The following OXR1 variants were observed in gnomAD, a reference collection of about 807,000 sequenced individuals.
OXR1 encodes oxidation resistance protein 1.
In OXR1, 41 loss-of-function variants were observed where a neutral mutation model predicts 104.6. That is an observed-to-expected ratio of 0.39 (90% CI 0.31 to 0.51). The LOEUF is 0.51. Ranked by LOEUF, OXR1 falls within the 20% of genes least tolerant of loss-of-function variation. The pLI is 0.77. For missense variants in OXR1, 955 were observed against 1,031.9 expected, an observed-to-expected ratio of 0.93 and a Z score of 1.02; for synonymous variants, 348 against 348.4, an observed-to-expected ratio of 1.00 and a Z score of 0.01.
chr8:106,684,817 T>A (rs983507112), intron 6 of OXR1, among the ~76,000 whole-genome samples: 1 of 152,196 alleles, frequency 6.6e-6, no homozygotes, highest in Non-Finnish European at 1.5e-5. Flanking sequence ...AGTAGATTAA[T>A]TTATCTAGCA....
intron 15 of OXR1, among the ~76,000 whole-genome samples, chr8:106,743,920 C>A (rs1354998346): frequency 1.3e-5 from 2 of 152,026 alleles, no homozygotes; most frequent in African/African-American, 4.8e-5. Flanking sequence ...ACCATATACA[C>A]CATGCAAACT....
chr8:106,404,895 C>T (rs143109207), intron 2 of OXR1, among the ~76,000 whole-genome samples: 13 of 151,846 alleles, frequency 8.6e-5, no homozygotes, highest in African/African-American at 3.1e-4. Flanking sequence ...TTAGTAGAGA[C>T]GGGGTTTCAC....
At chr8:106,526,668 G>A (rs985865951) in intron 3 of OXR1, among the ~76,000 whole-genome samples, 16 of 152,054 alleles carry the variant, frequency 1.1e-4, no homozygotes, top group African/African-American at 2.9e-4. Flanking sequence ...TCAGCCTCCC[G>A]AGTAGCTGGG....
At chr8:106,523,639 G>T (rs866230130) in intron 3 of OXR1, among the ~76,000 whole-genome samples, 27 of 152,062 alleles carry the variant, frequency 1.8e-4, no homozygotes, top group African/African-American at 6.5e-4. Context: ...AAAATCACTG[G>T]ACTTGATATT....
intron 2 of OXR1, among the ~76,000 whole-genome samples, chr8:106,473,169 A>G (rs1586687116): frequency 6.6e-6 from 1 of 151,908 alleles, no homozygotes; most frequent in Non-Finnish European, 1.5e-5. Context: ...CATGTTGGAT[A>G]AAATGACCAC....
chr8:106,618,675 G>A (rs1165859524), intron 3 of OXR1, among the ~76,000 whole-genome samples: 1 of 152,116 alleles, frequency 6.6e-6, no homozygotes, highest in African/African-American at 2.4e-5. Context: ...TCGGGTAATG[G>A]CAGTGATCAA....
intron 5 of OXR1, 78 bp from the exon 6 acceptor site, chr8:106,684,168 T>C (rs1373069791): frequency 1.6e-5 from 11 of 673,490 alleles, no homozygotes; most frequent in Non-Finnish European, 2.9e-5. Context: ...TAATTGTTAA[T>C]AGTGCTTGCT....
At chr8:106,615,443 GA>G (rs1037694136) in intron 3 of OXR1, among the ~76,000 whole-genome samples, 3 of 150,466 alleles carry the variant, frequency 2.0e-5, no homozygotes, top group Non-Finnish European at 3.0e-5. Flanking sequence ...AAAAAAAAAA[GA>G]AAAAAAGATG....
chr8:106,633,031 C>A (rs1043181438), intron 3 of OXR1, among the ~76,000 whole-genome samples: 3 of 152,066 alleles, frequency 2.0e-5, no homozygotes, highest in African/African-American at 7.2e-5. Flanking sequence ...CTCAGGAGTT[C>A]AAGACAAGCC....
chr8:106,627,580 G>A (rs187404503), intron 3 of OXR1, among the ~76,000 whole-genome samples: 1 of 152,126 alleles, frequency 6.6e-6, no homozygotes, highest in Admixed American at 6.5e-5. Flanking sequence ...ATATGAAGAT[G>A]ACAAAAAAAA....
intron 2 of OXR1, among the ~76,000 whole-genome samples, chr8:106,468,584 A>C (rs1358219919): frequency 6.6e-6 from 1 of 151,812 alleles, no homozygotes; most frequent in African/African-American, 2.4e-5. Flanking sequence ...CCATGGAGAA[A>C]AAATATTAGT....
At chr8:106,273,149 A>T (rs1040836144) in intron 1 of OXR1, among the ~76,000 whole-genome samples, 2 of 150,830 alleles carry the variant, frequency 1.3e-5, no homozygotes, top group African/African-American at 5.0e-5. Context: ...GCCTAACTGG[A>T]CACTTTTTTT....
intron 1 of OXR1, among the ~76,000 whole-genome samples, chr8:106,276,548 A>T (rs865805240): frequency 6.6e-6 from 1 of 152,232 alleles, no homozygotes; most frequent in Non-Finnish European, 1.5e-5. Context: ...GAAGATAATT[A>T]TGAAGTGATT....
chr8:106,496,330 T>C (rs531048227), intron 2 of OXR1, among the ~76,000 whole-genome samples: 1 of 152,344 alleles, frequency 6.6e-6, no homozygotes, highest in African/African-American at 2.4e-5. Context: ...GTGATTCTGA[T>C]ACATGCTCAA....
At chr8:106,329,483 G>A (rs1172070069) in intron 1 of OXR1, among the ~76,000 whole-genome samples, 1 of 151,784 alleles carries the variant, frequency 6.6e-6, no homozygotes, top group Non-Finnish European at 1.5e-5. Context: ...GAGTAGCTGG[G>A]ACTACAGACG....
At chr8:106,277,292 G>C (rs1478346583) in intron 1 of OXR1, among the ~76,000 whole-genome samples, 1 of 152,030 alleles carries the variant, frequency 6.6e-6, no homozygotes, top group Non-Finnish European at 1.5e-5. Flanking sequence ...AAAAAAATTG[G>C]GCAAATTACT....
chr8:106,467,982 A>G (rs1263276076), intron 2 of OXR1, among the ~76,000 whole-genome samples: 1 of 151,920 alleles, frequency 6.6e-6, no homozygotes, highest in Non-Finnish European at 1.5e-5. Flanking sequence ...GTATGTTTAG[A>G]GCTAGAAAGA....
chr8:106,483,395 G>A (rs538996857), intron 2 of OXR1, among the ~76,000 whole-genome samples: 26 of 151,732 alleles, frequency 1.7e-4, no homozygotes, highest in African/African-American at 6.0e-4. Context: ...CTTTAATGTA[G>A]CCATTAAAAC....
At chr8:106,609,140 G>A (rs1820620993) in intron 3 of OXR1, among the ~76,000 whole-genome samples, 1 of 152,094 alleles carries the variant, frequency 6.6e-6, no homozygotes, top group Admixed American at 6.6e-5. Context: ...GGGACGTGGT[G>A]GGTCATGCCT....
Sources: gnomAD v4.1 joint callset for allele counts (sites outside exome capture counted in the v4.1 genomes callset) on GRCh38, gnomAD v4.1.1 for gene constraint, MANE v1.5 for transcripts, NCBI Gene and HGNC (gene_info 2026-07-23, HGNC 2026-07-21) for gene names.